VDAC2: variants seen among roughly 807,000 people sequenced by gnomAD.
VDAC2 encodes the protein non-selective voltage-gated ion channel VDAC2.
A neutral mutation model predicts 36.6 loss-of-function variants in VDAC2; 6 were observed. That is an observed-to-expected ratio of 0.16 (90% CI 0.09 to 0.32). VDAC2 has a LOEUF of 0.32. Ranked by LOEUF, VDAC2 falls within the 10% of genes least tolerant of loss-of-function variation. VDAC2 has a pLI of 1.00. For missense variants in VDAC2, 247 were observed against 346.0 expected (o/e 0.71, Z 2.27); for synonymous variants, 109 against 123.8 (o/e 0.88, Z 0.79).
chr10:75,212,099 T>G, intron 2 of VDAC2, 131 bp from the exon 3 acceptor site: 1 of 773,406 alleles, frequency 1.3e-6, no homozygotes, highest in East Asian at 2.7e-5. Flanking sequence ...TTGTAGCTCC[T>G]GACCGCATAA....
intron 8 of VDAC2, among the ~76,000 whole-genome samples, chr10:75,226,452 T>TTTG (rs1491508510): frequency 3.9e-4 from 18 of 46,694 alleles, no homozygotes; most frequent in African/African-American, 1.5e-3. Context: ...CTTTTGTGGG[T>TTTG]TTTTTTTTTT....
At chr10:75,219,675 G>T (rs945574192) in intron 6 of VDAC2, among the ~76,000 whole-genome samples, 2 of 151,840 alleles carry the variant, frequency 1.3e-5, no homozygotes, top group African/African-American at 4.8e-5. Context: ...AGTAGAGGCG[G>T]GGTTTCGCCA....
intron 3 of VDAC2, among the ~76,000 whole-genome samples, chr10:75,213,470 C>T (rs144435046): frequency 1.2e-3 from 188 of 152,190 alleles, no homozygotes; most frequent in African/African-American, 4.3e-3. Context: ...GGGGGCTGGG[C>T]GTGGTGGCTC....
chr10:75,221,057 T>G, intron 7 of VDAC2, 87 bp downstream of exon 7: 1 of 1,336,820 alleles, frequency 7.5e-7, no homozygotes, highest in Non-Finnish European at 1.0e-6. Context: ...GGGTGCACCC[T>G]AAAGGATTTC....
chr10:75,214,538 T>A (rs2132255485), intron 4 of VDAC2, among the ~76,000 whole-genome samples: 1 of 152,322 alleles, frequency 6.6e-6, no homozygotes, highest in South Asian at 2.1e-4. Flanking sequence ...GAATTTTTTT[T>A]TTTTGAGACG....
chr10:75,229,377 G>T (rs1313072809), intron 8 of VDAC2: 1 of 272,860 alleles, frequency 3.7e-6, no homozygotes, highest in East Asian at 7.0e-5. Context: ...GAGTGCTTAG[G>T]CTTTTGTGCT....
rs557249109 is a variant in VDAC2, at chr10:75,226,346, A to C, written c.736-3298A>C. ...GCTTCTATAACCCTTGCAATTTCCC[A>C]AGTGACTAGAGCCGTAAGAGTGTAT... On this transcript the variant is annotated intron_variant, in intron 8 of 9. Transcript: ENST00000332211. 1.1e-4 allele frequency among the ~76,000 whole-genome samples: 17 copies of C among 151,994 alleles called. No individual in the cohort carries two copies. In the South Asian group the frequency reaches 2.9e-3, roughly 26 times the overall value.
chr10:75,230,789 T>A, intron 9 of VDAC2, 109 bp from the exon 10 acceptor site: 1 of 896,338 alleles, frequency 1.1e-6, no homozygotes, highest in South Asian at 1.9e-5. Flanking sequence ...GCTGACAGGC[T>A]GAGGAAGTGA....
chr10:75,227,577 A>ATTTTTTTTTTTTTTTTTTTTTTTTTTTT (rs35378957), intron 8 of VDAC2, among the ~76,000 whole-genome samples: 1 of 99,928 alleles, frequency 1.0e-5, no homozygotes, highest in African/African-American at 4.5e-5. Flanking sequence ...AATAATAGGA[A>ATTTTTTTTTTTTTTTTTTTTTTTTTTTT]TTTTTTTTTT....
chr10:75,229,584 G>GT (rs1842048682), intron 8 of VDAC2, 60 bp from the exon 9 acceptor site: 1 of 1,329,934 alleles, frequency 7.5e-7, no homozygotes, highest in Admixed American at 2.1e-5. Flanking sequence ...GGGGAAACAT[G>GT]TAGGGGCTTT....
intron 3 of VDAC2, 84 bp downstream of exon 3, chr10:75,212,382 C>G: frequency 8.4e-7 from 1 of 1,192,054 alleles, no homozygotes; most frequent in Non-Finnish European, 1.2e-6. Context: ...TCAATCATTG[C>G]AAATTGTAAA....
At position 75,231,079 on chromosome 10, in the gene VDAC2, A is replaced by C. The variant is rs11527434; in HGVS notation, c.*90A>C. ...GACCAGCAGCAGGCTTTTTTCCCCC[A>C]AGAAGATGATCAAAACAAAGGATGA... On this transcript the variant is annotated 3_prime_UTR_variant, in exon 10 of 10. Coordinates refer to ENST00000332211, the MANE Select transcript of VDAC2 (RefSeq NM_001391963.1). 0.096 allele frequency: 87,440 copies of C among 907,400 alleles called. 4,670 individuals carry two copies. The highest frequency in any genetic ancestry group is 0.15 in the Middle Eastern group (453 of 2,952). 56.2% of individuals were successfully genotyped at this position (907,400 alleles called of 1,614,324 possible).
intron 4 of VDAC2, chr10:75,217,763 A>T: frequency 2.2e-6 from 1 of 444,982 alleles, no homozygotes; most frequent in Non-Finnish European, 3.8e-6. Flanking sequence ...TAGGAGAGTG[A>T]TGTAAGACCT....
intron 8 of VDAC2, among the ~76,000 whole-genome samples, chr10:75,224,986 C>CGAAACT (rs771703091): frequency 3.9e-5 from 6 of 152,084 alleles, no homozygotes; most frequent in Non-Finnish European, 7.4e-5. Flanking sequence ...TGATCTGTAA[C>CGAAACT]GAAACTGATT....
intron 6 of VDAC2, 130 bp from the exon 7 acceptor site, chr10:75,220,613 A>G (rs1009880281): frequency 4.1e-6 from 3 of 729,790 alleles, no homozygotes; most frequent in African/African-American, 3.6e-5. Flanking sequence ...TGACTTTTTT[A>G]CTCCCTGTTA....
chr10:75,226,192 C>A (rs905049034), intron 8 of VDAC2, among the ~76,000 whole-genome samples: 13 of 152,106 alleles, frequency 8.5e-5, no homozygotes, highest in Admixed American at 8.5e-4. Context: ...TATATAAATG[C>A]AACAAGTGTA....
chr10:75,211,773 C>G, intron 2 of VDAC2: 1 of 1,323,320 alleles, frequency 7.6e-7, no homozygotes. Context: ...AATTCTCTTC[C>G]CACTCCAGGG....
intron 4 of VDAC2, chr10:75,217,845 T>C (rs921982697): frequency 1.7e-6 from 2 of 1,178,594 alleles, no homozygotes; most frequent in East Asian, 6.0e-5. Context: ...TTGACTGGCC[T>C]TTCCTCCTAT....
chr10:75,227,891 T>C (rs1167461110), intron 8 of VDAC2, among the ~76,000 whole-genome samples: 2 of 146,112 alleles, frequency 1.4e-5, no homozygotes, highest in East Asian at 2.1e-4. Context: ...AATTTCTTTC[T>C]TTCTTTCTTT....
Sources: allele counts gnomAD v4.1 joint callset (sites outside exome capture counted in the v4.1 genomes callset), GRCh38; gene constraint gnomAD v4.1.1; transcripts MANE v1.5; gene names NCBI Gene and HGNC (gene_info 2026-07-23, HGNC 2026-07-21).